The following CDH13 variants were observed in gnomAD, a reference collection of about 807,000 sequenced individuals.
CDH13 encodes the protein cadherin 13.
Under a neutral mutation model 63.8 loss-of-function variants are expected in CDH13, and 24 were observed. The ratio of observed to expected loss-of-function variants is 0.38; its 90% CI spans 0.27 to 0.53. CDH13 has a LOEUF of 0.53. Among genes scored for constraint, CDH13 ranks in the 20% least tolerant of loss-of-function variants. The pLI, the probability that CDH13 is intolerant of heterozygous loss-of-function variation, is 0.85. For missense variants in CDH13, 1,049 were observed against 903.1 expected, an observed-to-expected ratio of 1.16 and a Z score of -2.07; for synonymous variants, 503 against 355.3, an observed-to-expected ratio of 1.42 and a Z score of -4.67.
intron 10 of CDH13, among the ~76,000 whole-genome samples, chr16:83,744,309 A>T (rs1912362797): frequency 6.6e-6 from 1 of 152,220 alleles, no homozygotes; most frequent in Non-Finnish European, 1.5e-5. Flanking sequence ...GGAAAGTCAC[A>T]CTGGATGAAC....
At chr16:83,602,727 G>A in intron 8 of CDH13, 133 bp downstream of exon 8, 1 of 920,478 alleles carries the variant, frequency 1.1e-6, no homozygotes, top group African/African-American at 1.6e-5. Context: ...GAGAGACGAT[G>A]GTGTTTTGCT....
At chr16:82,663,460 C>T (rs1319125386) in intron 1 of CDH13, among the ~76,000 whole-genome samples, 2 of 152,138 alleles carry the variant, frequency 1.3e-5, no homozygotes, top group East Asian at 1.9e-4. Flanking sequence ...GCTGGGATTA[C>T]AGGCATGAGC....
chr16:83,788,465 A>AT (rs11320143), intron 13 of CDH13, among the ~76,000 whole-genome samples: 7 of 149,956 alleles, frequency 4.7e-5, no homozygotes, highest in African/African-American at 1.5e-4. Flanking sequence ...TAAACATTGA[A>AT]TTTTTTTTTT....
chr16:82,893,259 G>T (rs1031827766), intron 2 of CDH13, among the ~76,000 whole-genome samples: 2 of 152,254 alleles, frequency 1.3e-5, no homozygotes, highest in African/African-American at 4.8e-5. Flanking sequence ...ACACATATGT[G>T]TTGGCATCAG....
At chr16:83,543,940 G>C (rs1426421709) in intron 7 of CDH13, among the ~76,000 whole-genome samples, 1 of 152,228 alleles carries the variant, frequency 6.6e-6, no homozygotes, top group East Asian at 1.9e-4. Context: ...AGTGACACTT[G>C]ATGTAGCCGG....
intron 2 of CDH13, among the ~76,000 whole-genome samples, chr16:82,920,569 G>A (rs911857118): frequency 2.0e-5 from 3 of 152,220 alleles, no homozygotes; most frequent in Non-Finnish European, 4.4e-5. Flanking sequence ...GAACAAGGCA[G>A]TTTCCTATGG....
chr16:82,831,649 C>A (rs1172747598), intron 1 of CDH13, among the ~76,000 whole-genome samples: 2 of 152,176 alleles, frequency 1.3e-5, no homozygotes, highest in African/African-American at 4.8e-5. Flanking sequence ...ACGTCCAGGT[C>A]ATTTCACTTA....
intron 5 of CDH13, among the ~76,000 whole-genome samples, chr16:83,254,764 A>C (rs2151828895): frequency 6.6e-6 from 1 of 152,302 alleles, no homozygotes; most frequent in East Asian, 1.9e-4. Context: ...TTCCAATTTC[A>C]GACTCCCTAG....
intron 1 of CDH13, among the ~76,000 whole-genome samples, chr16:82,628,798 A>G (rs1213698234): frequency 6.6e-6 from 1 of 152,218 alleles, no homozygotes; most frequent in Non-Finnish European, 1.5e-5. Context: ...GGTTTGGAGC[A>G]TGCCTCAGAC....
chr16:83,293,931 C>T (rs912594740), intron 5 of CDH13, among the ~76,000 whole-genome samples: 2 of 152,088 alleles, frequency 1.3e-5, no homozygotes, highest in African/African-American at 4.8e-5. Flanking sequence ...ATTTAACTCC[C>T]ATGATAACTT....
At chr16:83,246,445 A>C (rs1905002140) in intron 5 of CDH13, among the ~76,000 whole-genome samples, 1 of 151,972 alleles carries the variant, frequency 6.6e-6, no homozygotes, top group Non-Finnish European at 1.5e-5. Context: ...TGCTTTGCTG[A>C]CTTCTGTACT....
At chr16:83,292,651 A>G (rs1297906184) in intron 5 of CDH13, among the ~76,000 whole-genome samples, 1 of 152,142 alleles carries the variant, frequency 6.6e-6, no homozygotes, top group African/African-American at 2.4e-5. Context: ...CTTTGGGGTG[A>G]TAAAAATGAT....
chr16:82,884,080 A>G (rs966944811), intron 2 of CDH13: 2 of 431,322 alleles, frequency 4.6e-6, no homozygotes, highest in Admixed American at 2.5e-5. Context: ...ATGAAGTGCC[A>G]TGTAGATGTT....
chr16:83,203,835 T>C (rs1341812546), intron 4 of CDH13, among the ~76,000 whole-genome samples: 1 of 152,062 alleles, frequency 6.6e-6, no homozygotes, highest in Non-Finnish European at 1.5e-5. Context: ...AGAGTAAGCA[T>C]GTATAGTTCA....
intron 6 of CDH13, among the ~76,000 whole-genome samples, chr16:83,444,931 C>A (rs2072627795): frequency 2.5e-5 from 2 of 81,468 alleles, no homozygotes; most frequent in African/African-American, 4.9e-5. Flanking sequence ...TGCCTCTGTT[C>A]CCACGTTGCA....
chr16:82,629,804 C>A (rs958932782), intron 1 of CDH13, among the ~76,000 whole-genome samples: 3 of 152,166 alleles, frequency 2.0e-5, no homozygotes, highest in African/African-American at 4.8e-5. Context: ...GAAAGTCTGT[C>A]CCAGAAGTGG....
intron 1 of CDH13, among the ~76,000 whole-genome samples, chr16:82,845,434 C>G (rs2039215320): frequency 6.6e-6 from 1 of 152,214 alleles, no homozygotes; most frequent in African/African-American, 2.4e-5. Context: ...GCAAGCCTGA[C>G]TTCTTTAGAA....
At chr16:83,280,006 A>G (rs1482723591) in intron 5 of CDH13, among the ~76,000 whole-genome samples, 1 of 152,228 alleles carries the variant, frequency 6.6e-6, no homozygotes, top group Non-Finnish European at 1.5e-5. Context: ...TTGCTGGTAA[A>G]GAGTCTTGCC....
At chr16:83,105,731 C>G (rs997854744) in intron 3 of CDH13, among the ~76,000 whole-genome samples, 1 of 152,050 alleles carries the variant, frequency 6.6e-6, no homozygotes, top group African/African-American at 2.4e-5. Context: ...TGATAGAAAC[C>G]ACCCCCAAAT....
Sources: gnomAD v4.1 joint callset for allele counts (sites outside exome capture counted in the v4.1 genomes callset) on GRCh38, gnomAD v4.1.1 for gene constraint, MANE v1.5 for transcripts, NCBI Gene and HGNC (gene_info 2026-07-23, HGNC 2026-07-21) for gene names.